The following CSNK1G1 variants were observed in gnomAD, a reference collection of about 807,000 sequenced individuals.
CSNK1G1 encodes the protein casein kinase I isoform gamma-1.
Under a neutral mutation model 59.6 loss-of-function variants are expected in CSNK1G1, and 22 were observed. The ratio of observed to expected loss-of-function variants is 0.37; its 90% confidence interval spans 0.26 to 0.53. The LOEUF (loss-of-function observed/expected upper bound fraction) is 0.53, where lower values mean the gene tolerates loss of function less well. Among genes scored for constraint, CSNK1G1 ranks in the 20% least tolerant of loss-of-function variants. The pLI is 0.89. For missense variants in CSNK1G1, 384 were observed against 519.5 expected (o/e 0.74, Z 2.54); for synonymous variants, 179 against 177.1 (o/e 1.01, Z -0.08).
At chr15:64,237,683 G>A (rs2082634207) in intron 4 of CSNK1G1, among the ~76,000 whole-genome samples, 1 of 152,006 alleles carries the variant, frequency 6.6e-6, no homozygotes, top group African/African-American at 2.4e-5. Context: ...ATTATAAAAG[G>A]GTCTTATCAA....
Position 64,311,803 on chromosome 15 carries a change from C to T in CSNK1G1, c.-224-11080G>A, listed in dbSNP as rs544881794. Among the ~76,000 whole-genome samples, 9 of 151,950 alleles carry T rather than the reference C, an allele frequency of 5.9e-5. 1 individual carries two copies. Among genetic ancestry groups the T allele is most frequent in the African/African-American group, 1.9e-4 (8 of 41,430 alleles). ...GCTGAGGCACGGGAATTGCTTGAAC[C>T]TGGGAGGTGGTGCTTGCAGTGAGCT... On this transcript the variant is annotated intron_variant, in intron 1 of 11. Transcript: ENST00000303052.
chr15:64,180,317 A>G (rs759499465), intron 11 of CSNK1G1, 31 bp downstream of exon 11: 16 of 1,533,118 alleles, frequency 1.0e-5, no homozygotes, highest in Non-Finnish European at 1.4e-5. Flanking sequence ...TCAACCCATG[A>G]CTTAAGAGCC....
chr15:64,214,534 C>T lies in CSNK1G1; in HGVS notation c.445-410G>A, dbSNP rs1596104865. ...TGCCACTGCTACATTCACCTTCTGC[C>T]CACATCTTCTTATGCTTATTTGGAC... On this transcript the variant is annotated intron_variant, in intron 5 of 11. Transcript: ENST00000303052. This position sits in a 1 kb window ranked among gnomAD's most constrained non-coding sequence, Gnocchi z 4.3. Among the ~76,000 whole-genome samples the T allele has an allele frequency of 2.0e-5, 3 of 152,246 alleles. No homozygotes were observed. The East Asian group carries it at 5.8e-4, about 29-fold the overall frequency.
rs114322256 is a variant in CSNK1G1, at chr15:64,199,577, G to A, written c.1107+3505C>T. Among the ~76,000 whole-genome samples, 1,265 of 152,254 alleles carry A rather than the reference G, an allele frequency of 8.3e-3. 17 individuals carry two copies. Among genetic ancestry groups the A allele is most frequent in the African/African-American group, 0.029 (1,210 of 41,556 alleles). On this transcript the variant is annotated intron_variant, in intron 10 of 11. Transcript: ENST00000303052. ...CACATATTTTAAGATAGTCTAGGAC[G>A]GGCGCGGTGGCTCATGCCTGTAATC...
intron 1 of CSNK1G1, chr15:64,335,983 A>G (rs529565222): frequency 1.3e-4 from 20 of 152,230 alleles, no homozygotes; most frequent in African/African-American, 4.6e-4. Flanking sequence ...AACACATAGT[A>G]TAACAGTTGC....
At chr15:64,283,435 C>T (rs1225190716) in intron 2 of CSNK1G1, among the ~76,000 whole-genome samples, 2 of 152,014 alleles carry the variant, frequency 1.3e-5, no homozygotes, top group African/African-American at 4.8e-5. Flanking sequence ...CTCTGCCTCC[C>T]GGGTTCATGC....
At chr15:64,252,885 T>C (rs901336353) in intron 3 of CSNK1G1, among the ~76,000 whole-genome samples, 1 of 152,102 alleles carries the variant, frequency 6.6e-6, no homozygotes, top group Non-Finnish European at 1.5e-5. Flanking sequence ...AACCAAACAT[T>C]ACCCTAAACA....
Position 64,300,616 on chromosome 15 carries a change from T to C in CSNK1G1, c.-117A>G. ...GTCAGAGAAAGGTAAGGAGTTCTTT[T>C]AGCACCATATTTGTTTGTAATGTAT... is the stretch of plus-strand genomic sequence containing the variant. On this transcript the variant is annotated 5_prime_UTR_variant, in exon 2 of 12. It removes the in-frame stop codon of an upstream open reading frame in the 5' UTR. Coordinates refer to ENST00000303052, the MANE Select transcript of CSNK1G1 (RefSeq NM_022048.5). 2.1e-6 allele frequency: 3 copies of C among 1,414,436 alleles called. No homozygotes were observed. Among genetic ancestry groups the C allele is most frequent in the Non-Finnish European group, 2.8e-6 (3 of 1,079,562 alleles). 87.6% of individuals were successfully genotyped at this position (1,414,436 alleles called of 1,614,324 possible).
chr15:64,189,659 T>A (rs1429014985), intron 10 of CSNK1G1, among the ~76,000 whole-genome samples: 1 of 152,138 alleles, frequency 6.6e-6, no homozygotes, highest in Admixed American at 6.5e-5. Flanking sequence ...TTGTATTCTA[T>A]AAAAAACGAA....
chr15:64,310,649 C>T (rs554360365), intron 1 of CSNK1G1, among the ~76,000 whole-genome samples: 103 of 151,692 alleles, frequency 6.8e-4, no homozygotes, highest in African/African-American at 2.4e-3. Flanking sequence ...CCTAGGAGTT[C>T]GAGGTTGCAG....
intron 2 of CSNK1G1, among the ~76,000 whole-genome samples, chr15:64,287,702 A>G (rs1894504049): frequency 6.6e-6 from 1 of 152,184 alleles, no homozygotes; most frequent in Admixed American, 6.5e-5. Context: ...ATTCTCTTTT[A>G]TGAAGATGGT....
In CSNK1G1 at chr15:64,188,258, T is replaced by C. The variant is rs948037529; in HGVS notation, c.1108-7804A>G. 20 of 666,114 alleles carry C rather than the reference T, an allele frequency of 3.0e-5. No individual in the cohort carries two copies. Among genetic ancestry groups the C allele is most frequent in the Middle Eastern group, 7.1e-4 (2 of 2,814 alleles). 41.3% of individuals were successfully genotyped at this position (666,114 alleles called of 1,614,324 possible). A position where few individuals can be genotyped will look rare whatever the true frequency, so the allele number is the denominator to read the frequency against. ...CCTAGACAGAAAATCTACAGAGATA[T>C]TCAATTAGCCCTTCCTGTAAGCTTC... On this transcript the variant is annotated intron_variant, in intron 10 of 11. Transcript: ENST00000303052. This position sits in a 1 kb window ranked among gnomAD's most constrained non-coding sequence, Gnocchi z 4.2.
At chr15:64,184,354 GATA>G (rs2081861133) in intron 10 of CSNK1G1, among the ~76,000 whole-genome samples, 1 of 151,526 alleles carries the variant, frequency 6.6e-6, no homozygotes, top group South Asian at 2.1e-4. Context: ...CATTATAAAA[GATA>G]ATAAAAAATA....
At chr15:64,311,141 C>T (rs1895975102) in intron 1 of CSNK1G1, among the ~76,000 whole-genome samples, 1 of 152,002 alleles carries the variant, frequency 6.6e-6, no homozygotes, top group South Asian at 2.1e-4. Flanking sequence ...GCAACTTCCA[C>T]CTCCCGGGAT....
At chr15:64,318,696 C>T (rs1351233287) in intron 1 of CSNK1G1, among the ~76,000 whole-genome samples, 8 of 151,478 alleles carry the variant, frequency 5.3e-5, no homozygotes, top group South Asian at 2.1e-4. Context: ...CTGCAACCTC[C>T]GCCTCCCAAG....
chr15:64,331,751 T>C (rs1051300186), intron 1 of CSNK1G1, among the ~76,000 whole-genome samples: 10 of 146,652 alleles, frequency 6.8e-5, no homozygotes, highest in African/African-American at 2.5e-4. Context: ...ACCTACAACA[T>C]GGGAGAAAAT....
chr15:64,294,737 C>T (rs1399688445), intron 2 of CSNK1G1, among the ~76,000 whole-genome samples: 1 of 150,782 alleles, frequency 6.6e-6, no homozygotes, highest in Non-Finnish European at 1.5e-5. Context: ...ATGGTGAAAC[C>T]CCGTCTCTAC....
intron 1 of CSNK1G1, among the ~76,000 whole-genome samples, chr15:64,349,150 A>G (rs1038934076): frequency 7.9e-5 from 12 of 152,160 alleles, no homozygotes; most frequent in African/African-American, 2.9e-4. Context: ...AAAAAAAAAA[A>G]AAAAAGTATC....
chr15:64,340,352 C>T lies in CSNK1G1; in HGVS notation c.-225+15636G>A, dbSNP rs192307029. Among the ~76,000 whole-genome samples, 5 of 152,230 alleles carry T rather than the reference C, an allele frequency of 3.3e-5. No homozygotes were observed. In the East Asian group the frequency reaches 5.8e-4, roughly 18 times the overall value. ...TTTAATGATTTTTTTTTCTTTAGCA[C>T]ATCTCTGCTGGCAGGAAGTATTGTT... is the stretch of plus-strand genomic sequence containing the variant. On this transcript the variant is annotated intron_variant, in intron 1 of 11. Transcript: ENST00000303052.
Sources: allele counts gnomAD v4.1 joint callset (sites outside exome capture counted in the v4.1 genomes callset), GRCh38; gene constraint gnomAD v4.1.1; non-coding constraint Gnocchi (gnomAD v3.1); transcripts MANE v1.5; gene names NCBI Gene and HGNC (gene_info 2026-07-23, HGNC 2026-07-21).